Variants in COL4A3 observed in about 807,000 individuals in gnomAD.
COL4A3 encodes collagen type IV alpha 3 chain, also known as collagen alpha-3(IV) chain.
COL4A3 carries 135 observed loss-of-function variants against 217.4 expected under a neutral mutation model. The observed-to-expected ratio is 0.62, with a 90% CI of 0.54 to 0.72. COL4A3 has a LOEUF of 0.72. Among genes scored for constraint, COL4A3 ranks in the 30% least tolerant of loss-of-function variants. The pLI is 0.00. For synonymous variants in COL4A3, 690 were observed against 736.3 expected (o/e 0.94, Z 1.02); for missense variants, 1,868 against 2,119.9 (o/e 0.88, Z 2.33).
rs545700772 is a variant in COL4A3, at chr2:227,314,518, TTAAG to T, written c.*2652_*2655del. On this transcript the variant is annotated 3_prime_UTR_variant, in exon 52 of 52. Coordinates refer to ENST00000396578, the MANE Select transcript of COL4A3 (RefSeq NM_000091.5). The stretch of plus-strand genomic sequence containing the variant: ...AAGTCTTTCAGCAAGATAAACATTA[TTAAG>T]TAACTTATTTATGAAAGTATTAAAA... 3.8e-4 allele frequency: 58 copies of T among 152,748 alleles called. No individual in the cohort carries two copies. The highest frequency in any genetic ancestry group is 1.3e-3 in the African/African-American group (56 of 41,576). The allele number at this position is 152,748 out of a possible 1,614,324, so 9.5% of individuals were successfully genotyped here. A position where few individuals can be genotyped will look rare whatever the true frequency, so the allele number is the denominator to read the frequency against.
intron 48 of COL4A3, among the ~76,000 whole-genome samples, chr2:227,308,262 G>T (rs1205286289): frequency 1.3e-5 from 2 of 151,946 alleles, no homozygotes; most frequent in East Asian, 1.9e-4. Flanking sequence ...ACCCAGGCTG[G>T]AGTGCAGTGG....
intron 18 of COL4A3, among the ~76,000 whole-genome samples, chr2:227,259,529 G>T (rs116274321): frequency 0.011 from 1,614 of 152,296 alleles, 20 homozygotes; most frequent in Middle Eastern, 0.044. Flanking sequence ...ATGTGGGTGT[G>T]TAAACTGAGT....
intron 1 of COL4A3, among the ~76,000 whole-genome samples, chr2:227,219,253 G>C (rs1196831714): frequency 8.6e-5 from 13 of 151,994 alleles, no homozygotes; most frequent in Admixed American, 7.9e-4. Flanking sequence ...TGCCATCCTC[G>C]GCCTCCCAAA....
intron 1 of COL4A3, among the ~76,000 whole-genome samples, chr2:227,195,173 A>G (rs979845521): frequency 1.3e-5 from 2 of 152,168 alleles, no homozygotes; most frequent in Non-Finnish European, 2.9e-5. Context: ...TTTTGTTTCC[A>G]TTTTTGTTAT....
At chr2:227,264,270 T>C (rs2125974292) in intron 21 of COL4A3, among the ~76,000 whole-genome samples, 1 of 152,268 alleles carries the variant, frequency 6.6e-6, no homozygotes, top group East Asian at 1.9e-4. Flanking sequence ...AGACTATCTG[T>C]GCCAGGGGAG....
intron 1 of COL4A3, among the ~76,000 whole-genome samples, chr2:227,209,402 C>G (rs1245320241): frequency 6.6e-6 from 1 of 152,222 alleles, no homozygotes; most frequent in East Asian, 1.9e-4. Context: ...TTGTCATCCT[C>G]CCTGCCTGGT....
At chr2:227,202,862 CATATATGTGTATATATACATATGTGTATA>C (rs2066778932) in intron 1 of COL4A3, among the ~76,000 whole-genome samples, 14 of 17,208 alleles carry the variant, frequency 8.1e-4, no homozygotes, top group East Asian at 2.7e-3. Flanking sequence ...TGTATATATA[CATATATGTGTATATATACATATGTGTATA>C]TATGTGTATA....
At position 227,249,212 on chromosome 2, in the gene COL4A3, G is replaced by GTGTGTATATATATATATATATA. The variant is rs1199261361; in HGVS notation, c.546+693_546+694insGTGTATATATATATATATATAT. On this transcript the variant is annotated intron_variant, in intron 9 of 51. Transcript: ENST00000396578. Reference sequence around the variant, plus strand: ...AATTATATATAACCAAAATTAGCTAGTATATATATATATATATATTTTTTT... The same window carrying GTGTGTATATATATATATATATA: ...AATTATATATAACCAAAATTAGCTAGTGTGTATATATATATATATATATATATATATATATATATATTTTTTT... Among the ~76,000 whole-genome samples, 15 of 33,230 alleles carry GTGTGTATATATATATATATATA rather than the reference G, an allele frequency of 4.5e-4. 1 individual carries two copies. The highest frequency in any genetic ancestry group is 1.6e-3 in the African/African-American group (15 of 9,612). 21.8% of individuals were successfully genotyped at this position (33,230 alleles called of 152,430 possible).
In COL4A3 at chr2:227,283,755, T is replaced by C; in HGVS notation, c.2657-12T>C. The C allele has an allele frequency of 6.2e-7, 1 of 1,611,816 alleles. No individual in the cohort carries two copies. Among genetic ancestry groups the C allele is most frequent in the Non-Finnish European group, 8.5e-7 (1 of 1,177,846 alleles). Reference sequence around the variant, plus strand: ...ACAACACGTGCTGCTTTGTGTTAATTTGTTTCCATAGGTGAAGATGGAGTG... The same window carrying C: ...ACAACACGTGCTGCTTTGTGTTAATCTGTTTCCATAGGTGAAGATGGAGTG... On this transcript the variant is annotated splice_polypyrimidine_tract_variant and intron_variant, in intron 32 of 51. Transcript: ENST00000396578.
At chr2:227,182,002 T>C (rs1205492203) in intron 1 of COL4A3, among the ~76,000 whole-genome samples, 2 of 152,188 alleles carry the variant, frequency 1.3e-5, no homozygotes, top group Admixed American at 6.5e-5. Flanking sequence ...ATCTATCTTT[T>C]CTTATTTAAT....
chr2:227,199,767 G>A (rs1028623198), intron 1 of COL4A3, among the ~76,000 whole-genome samples: 1 of 152,224 alleles, frequency 6.6e-6, no homozygotes, highest in Non-Finnish European at 1.5e-5. Context: ...GTTGTTGGGA[G>A]AAGGGCAAGT....
Position 227,272,984 on chromosome 2 carries a change from A to C in COL4A3, c.1794A>C (p.Pro598=). 2.5e-6 allele frequency: 4 copies of C among 1,614,158 alleles called. No individual in the cohort carries two copies. Among genetic ancestry groups the C allele is most frequent in the Non-Finnish European group, 3.4e-6 (4 of 1,180,010 alleles). The change falls in exon 26 of 52, where the codon CCA becomes CCC. Residue 598 remains proline (P), a synonymous_variant. Coordinates refer to ENST00000396578, the MANE Select transcript of COL4A3 (RefSeq NM_000091.5). ...LSGEKGDQGP[P]GDPGSPGSPG... is the part of the protein sequence containing the mutation. ...GTGAGAAAGGGGACCAAGGTCCTCC[A>C]GGGGATCCTGGCTCCCCTGGGTCCC...
chr2:227,211,294 C>T (rs994794002), intron 1 of COL4A3, among the ~76,000 whole-genome samples: 3 of 152,186 alleles, frequency 2.0e-5, no homozygotes, highest in East Asian at 1.9e-4. Context: ...CCACTGCACG[C>T]GGCCCCATAA....
intron 28 of COL4A3, among the ~76,000 whole-genome samples, chr2:227,278,133 T>C (rs1346656854): frequency 2.0e-5 from 3 of 151,838 alleles, no homozygotes; most frequent in African/African-American, 7.3e-5. Context: ...TTCTTTTTTT[T>C]TTAATAAGAA....
intron 1 of COL4A3, among the ~76,000 whole-genome samples, chr2:227,178,544 A>G (rs182156954): frequency 6.8e-6 from 1 of 146,728 alleles, no homozygotes; most frequent in Non-Finnish European, 1.5e-5. Context: ...ATTTTATTTT[A>G]TTTTTTTTGA....
At chr2:227,240,294 C>T in intron 3 of COL4A3, 62 bp downstream of exon 3, 2 of 1,452,420 alleles carry the variant, frequency 1.4e-6, no homozygotes, top group Non-Finnish European at 1.9e-6. Flanking sequence ...TGCCTACCCC[C>T]TGGCTGCTGC....
rs1300779262 is a variant in COL4A3 at position 227,310,733 on chromosome 2, C to A, written c.4756-43C>A. 2.6e-6 allele frequency: 4 copies of A among 1,566,740 alleles called. No homozygotes were observed. In the Admixed American group the frequency reaches 6.7e-5, roughly 26 times the overall value. On this transcript the variant is annotated intron_variant, in intron 50 of 51. Transcript: ENST00000396578. ...AAGTAGAGAATTGAAAATTTGAACCCCAATGGACAGAGTGTTTATTCAGAT... is the reference window on the plus strand; with the variant it reads ...AAGTAGAGAATTGAAAATTTGAACCACAATGGACAGAGTGTTTATTCAGAT...
At chr2:227,210,278 T>C (rs2125785661) in intron 1 of COL4A3, among the ~76,000 whole-genome samples, 1 of 152,266 alleles carries the variant, frequency 6.6e-6, no homozygotes, top group Non-Finnish European at 1.5e-5. Flanking sequence ...ATGTACATAT[T>C]ATATATGCAC....
intron 48 of COL4A3, among the ~76,000 whole-genome samples, chr2:227,308,646 C>T (rs2073612538): frequency 6.6e-6 from 1 of 152,178 alleles, no homozygotes; most frequent in Non-Finnish European, 1.5e-5. Flanking sequence ...TATGCTAGCC[C>T]CCATGTTCTA....
Sources: gnomAD v4.1 joint callset for allele counts (sites outside exome capture counted in the v4.1 genomes callset) on GRCh38, gnomAD v4.1.1 for gene constraint, MANE v1.5 for transcripts, NCBI Gene and HGNC (gene_info 2026-07-23, HGNC 2026-07-21) for gene names.